INPP5D: variants seen among roughly 807,000 people sequenced by gnomAD.
INPP5D encodes phosphatidylinositol 3,4,5-trisphosphate 5-phosphatase 1.
In INPP5D, 33 loss-of-function variants were observed where a neutral mutation model predicts 122.9. The ratio of observed to expected loss-of-function variants is 0.27; its 90% CI spans 0.20 to 0.36. The LOEUF (loss-of-function observed/expected upper bound fraction) is 0.36. Among genes scored for constraint, INPP5D ranks in the 10% least tolerant of loss-of-function variants. The pLI, the probability that INPP5D is intolerant of heterozygous loss-of-function variation, is 1.00. For synonymous variants in INPP5D, 584 were observed against 576.2 expected, an observed-to-expected ratio of 1.01 and a Z score of -0.19; for missense variants, 1,053 against 1,412.7, an observed-to-expected ratio of 0.75 and a Z score of 4.08.
intron 2 of INPP5D, among the ~76,000 whole-genome samples, chr2:233,081,019 C>T (rs1490588626): frequency 1.3e-5 from 2 of 152,232 alleles, no homozygotes; most frequent in Non-Finnish European, 2.9e-5. Flanking sequence ...ATCCTCCTGC[C>T]CCTGAGTCCA....
At chr2:233,179,388 A>G (rs975236775) in intron 18 of INPP5D, among the ~76,000 whole-genome samples, 1 of 152,248 alleles carries the variant, frequency 6.6e-6, no homozygotes, top group Non-Finnish European at 1.5e-5. Context: ...TGTCTGCTTC[A>G]GCCAGCCTCT....
chr2:233,151,312 A>G (rs1486828998), intron 9 of INPP5D, among the ~76,000 whole-genome samples: 7 of 109,316 alleles, frequency 6.4e-5, no homozygotes, highest in African/African-American at 2.8e-4. Context: ...ATCTCTAAAA[A>G]TTAATAATAA....
At chr2:233,098,847 C>A (rs1692222734) in intron 2 of INPP5D, among the ~76,000 whole-genome samples, 1 of 152,196 alleles carries the variant, frequency 6.6e-6, no homozygotes, top group Non-Finnish European at 1.5e-5. Flanking sequence ...GCCCATTCAG[C>A]GATCCAGCTT....
At chr2:233,184,697 G>A (rs1345830684) in intron 20 of INPP5D, among the ~76,000 whole-genome samples, 176 bp downstream of exon 20, 1 of 152,220 alleles carries the variant, frequency 6.6e-6, no homozygotes, top group Non-Finnish European at 1.5e-5. Context: ...ATTGTGAGGG[G>A]TCCCCCTGTG....
rs1330692942 is a variant in INPP5D at position 233,128,653 on chromosome 2, T to G, written c.525-1855T>G. 6.6e-6 allele frequency among the ~76,000 whole-genome samples: 1 copy of G among 152,108 alleles called. No homozygotes were observed. Among genetic ancestry groups the G allele is most frequent in the Non-Finnish European group, 1.5e-5 (1 of 68,014 alleles). Reference sequence around the variant, plus strand: ...CCACCACGCCCAGCTAATTTTTGTATTTTTAGTAGAGACAGGGTTTCACCA... The same window carrying G: ...CCACCACGCCCAGCTAATTTTTGTAGTTTTAGTAGAGACAGGGTTTCACCA... On this transcript the variant is annotated intron_variant, in intron 4 of 26. Transcript: ENST00000445964. The surrounding 1 kb of genome is among the most constrained non-coding windows in gnomAD (Gnocchi z 4.5).
intron 2 of INPP5D, among the ~76,000 whole-genome samples, chr2:233,086,122 T>TTTCTTTCTTTCTTTCTTTCC (rs1691828349): frequency 1.4e-5 from 1 of 69,016 alleles, no homozygotes; most frequent in South Asian, 6.1e-4. Flanking sequence ...AGATAGCCTC[T>TTTCTTTCTTTCTTTCTTTCC]TTCTTTCTTT....
intron 2 of INPP5D, 147 bp downstream of exon 2, chr2:233,079,545 G>T: frequency 1.6e-6 from 1 of 644,902 alleles, no homozygotes; most frequent in Non-Finnish European, 2.8e-6. Context: ...GGTGTCCATG[G>T]GGTGGCTTAG....
intron 2 of INPP5D, among the ~76,000 whole-genome samples, chr2:233,086,758 T>C (rs1691863072): frequency 6.6e-6 from 1 of 152,194 alleles, no homozygotes; most frequent in Non-Finnish European, 1.5e-5. Flanking sequence ...GTGTCCTAAC[T>C]TACAAAGGTT....
chr2:233,125,947 C>T (rs1287964890), intron 4 of INPP5D, 28 bp downstream of exon 4: 1 of 1,604,032 alleles, frequency 6.2e-7, no homozygotes, highest in Non-Finnish European at 8.5e-7. Context: ...TCCAGCTGGG[C>T]CTTCATCTGC....
intron 2 of INPP5D, among the ~76,000 whole-genome samples, chr2:233,114,420 G>A (rs1163852585): frequency 6.6e-6 from 1 of 152,230 alleles, no homozygotes; most frequent in Non-Finnish European, 1.5e-5. Flanking sequence ...GCAGAGCGGG[G>A]AGAGGCCAGG....
chr2:233,204,806 A>ATGTGTGTGTGCACGCATGCATATGTGCG, intron 26 of INPP5D, 89 bp downstream of exon 26: 1 of 1,427,044 alleles, frequency 7.0e-7, no homozygotes, highest in Non-Finnish European at 9.2e-7. Context: ...ATGTGTGTGC[A>ATGTGTGTGTGCACGCATGCATATGTGCG]TGTGTGTGTG....
chr2:233,123,935 A>C (rs565356444), intron 3 of INPP5D, among the ~76,000 whole-genome samples: 2 of 152,242 alleles, frequency 1.3e-5, no homozygotes, highest in Admixed American at 6.5e-5. Context: ...GGACACAAAG[A>C]GGGGAACAGC....
intron 4 of INPP5D, among the ~76,000 whole-genome samples, chr2:233,129,543 A>T (rs1352328446): frequency 6.6e-6 from 1 of 152,178 alleles, no homozygotes; most frequent in East Asian, 1.9e-4. Flanking sequence ...GTTGATCTGC[A>T]CAGTGAACAA....
chr2:233,182,420 C>T lies in INPP5D; in HGVS notation c.2082C>T (p.Ser694=), dbSNP rs371487074. ...TTCCCTCCCCTGCAGGCAGTACCAG[C>T]GACATCATGACGAGTGACCACAGCC... ...HVVCQSYGST[S]DIMTSDHSPV... Residue 694 remains serine (S), a synonymous_variant, in exon 19 of 27, where the codon AGC becomes AGT. Transcript: ENST00000445964. 18 of 1,613,590 alleles carry T rather than the reference C, an allele frequency of 1.1e-5. No individual in the cohort carries two copies. The highest frequency in any genetic ancestry group is 2.2e-5 in the South Asian group (2 of 91,080).
intron 2 of INPP5D, among the ~76,000 whole-genome samples, chr2:233,088,010 C>T (rs1443622362): frequency 1.3e-5 from 2 of 152,036 alleles, no homozygotes; most frequent in Non-Finnish European, 1.5e-5. Flanking sequence ...GTGTCTCGCT[C>T]TAGCCCCCAT....
intron 18 of INPP5D, among the ~76,000 whole-genome samples, chr2:233,180,884 G>A (rs192926976): frequency 1.3e-5 from 2 of 149,446 alleles, no homozygotes; most frequent in Admixed American, 6.6e-5. Flanking sequence ...ATGTTGGCCA[G>A]GCTGATCTCG....
chr2:233,099,934 T>C (rs1692256540), intron 2 of INPP5D, among the ~76,000 whole-genome samples: 1 of 152,110 alleles, frequency 6.6e-6, no homozygotes, highest in Non-Finnish European at 1.5e-5. Flanking sequence ...GCACATCTCA[T>C]GTGGCAGACA....
rs1429508968 is a variant in INPP5D, at chr2:233,060,499, T to C, written c.21T>C (p.His7=). MVPCWN[H]GNITRSKAEE... Reference sequence around the variant, plus strand: ...CCACCATGGTCCCCTGCTGGAACCATGGCAACATCACCCGCTCCAAGGCGG... The same window carrying C: ...CCACCATGGTCCCCTGCTGGAACCACGGCAACATCACCCGCTCCAAGGCGG... The change falls in exon 1 of 27, where the codon CAT becomes CAC. Residue 7 remains histidine (H), a synonymous_variant. Coordinates refer to ENST00000445964, the MANE Select transcript of INPP5D (RefSeq NM_001017915.3). The C allele has an allele frequency of 1.9e-6, 3 of 1,611,756 alleles. No homozygotes were observed. The highest frequency in any genetic ancestry group is 2.2e-5 in the South Asian group (2 of 90,794).
intron 9 of INPP5D, among the ~76,000 whole-genome samples, chr2:233,156,878 G>A (rs1048318962): frequency 1.3e-5 from 2 of 152,128 alleles, no homozygotes; most frequent in Admixed American, 6.5e-5. Flanking sequence ...GAGCCCTCCC[G>A]AAATCTAAGT....
Sources: allele counts gnomAD v4.1 joint callset (sites outside exome capture counted in the v4.1 genomes callset), GRCh38; gene constraint gnomAD v4.1.1; non-coding constraint Gnocchi (gnomAD v3.1); transcripts MANE v1.5; gene names NCBI Gene and HGNC (gene_info 2026-07-23, HGNC 2026-07-21).